The following HELZ variants were observed in gnomAD, a reference collection of about 807,000 sequenced individuals.
HELZ encodes the protein ATP-dependent RNA helicase with zinc finger domain.
A neutral mutation model predicts 218.2 loss-of-function variants in HELZ; 23 were observed. The observed-to-expected ratio is 0.11, with a 90% CI of 0.08 to 0.15. The LOEUF (loss-of-function observed/expected upper bound fraction) is 0.15. Ranked by LOEUF, HELZ falls within the 10% of genes least tolerant of loss-of-function variation. The probability of loss-of-function intolerance (pLI) is 1.00; values close to 1 mark genes in which losing one functional copy is unlikely to be tolerated. For missense variants in HELZ, 1,813 were observed against 2,353.7 expected (o/e 0.77, Z 4.75); for synonymous variants, 814 against 829.4 (o/e 0.98, Z 0.32).
chr17:67,210,585 G>A (rs958253892), intron 5 of HELZ, among the ~76,000 whole-genome samples: 8 of 152,072 alleles, frequency 5.3e-5, no homozygotes, highest in Non-Finnish European at 8.8e-5. Flanking sequence ...ATAAGATTAC[G>A]TTCTTTTGAT....
At position 67,235,981 on chromosome 17, in the gene HELZ, C is replaced by T. The variant is rs564130152; in HGVS notation, c.-19+3452G>A. Among the ~76,000 whole-genome samples the T allele has an allele frequency of 1.2e-4, 18 of 151,996 alleles. No individual in the cohort carries two copies. In the South Asian group the frequency reaches 1.9e-3, roughly 16 times the overall value. On this transcript the variant is annotated intron_variant, in intron 3 of 32. Coordinates refer to ENST00000358691, the MANE Select transcript of HELZ (RefSeq NM_014877.4). The stretch of plus-strand genomic sequence containing the variant: ...TTCATCGTGTTAGCCAGGATGGTCT[C>T]GATCTCCTGACCTCCTGATCCGCCC...
At chr17:67,124,706 G>A (rs1404052414) in intron 24 of HELZ, among the ~76,000 whole-genome samples, 1 of 152,038 alleles carries the variant, frequency 6.6e-6, no homozygotes, top group Non-Finnish European at 1.5e-5. Flanking sequence ...CAGAGAGCAT[G>A]GTTTATGTGT....
intron 5 of HELZ, among the ~76,000 whole-genome samples, chr17:67,212,773 C>A (rs999353192): frequency 2.6e-5 from 4 of 152,102 alleles, no homozygotes; most frequent in African/African-American, 9.7e-5. Flanking sequence ...TTCTCTTTTA[C>A]ACACAGCACT....
chr17:67,088,577 G>A (rs946430519), intron 31 of HELZ, among the ~76,000 whole-genome samples: 4 of 152,206 alleles, frequency 2.6e-5, no homozygotes, highest in South Asian at 4.1e-4. Flanking sequence ...CAGGAAAGCC[G>A]TGACGAGAGC....
intron 3 of HELZ, among the ~76,000 whole-genome samples, chr17:67,221,996 A>C (rs1175082330): frequency 6.6e-6 from 1 of 151,624 alleles, no homozygotes; most frequent in Non-Finnish European, 1.5e-5. Context: ...TGCCACCACA[A>C]CCGGCTAATT....
chr17:67,099,248 G>C (rs1598212445), intron 31 of HELZ, among the ~76,000 whole-genome samples: 1 of 152,136 alleles, frequency 6.6e-6, no homozygotes, highest in African/African-American at 2.4e-5. Context: ...TACATCTTCA[G>C]CCAATCAGAT....
intron 12 of HELZ, among the ~76,000 whole-genome samples, chr17:67,181,042 A>T (rs2039597181): frequency 6.6e-6 from 1 of 151,992 alleles, no homozygotes; most frequent in Non-Finnish European, 1.5e-5. Flanking sequence ...ACAGAGCCAG[A>T]CTCTGTCTCA....
rs1219514081 is a variant in HELZ, at chr17:67,161,009, T to A, written c.1963A>T (p.Thr655Ser). The A allele has an allele frequency of 3.1e-6, 5 of 1,613,690 alleles. No homozygotes were observed. Among genetic ancestry groups the A allele is most frequent in the Non-Finnish European group, 4.2e-6 (5 of 1,179,810 alleles). The change falls in exon 16 of 33, where the codon ACT becomes TCT. Residue 655 changes from threonine to serine, a missense_variant. Physicochemically the swap from Thr to Ser is moderately conservative, Grantham distance 58. This residue lies in a region of HELZ where 714 missense variants were observed against 1,029.2 expected (regional missense o/e 0.69). Coordinates refer to ENST00000358691, the MANE Select transcript of HELZ (RefSeq NM_014877.4). The stretch of plus-strand genomic sequence containing the variant: ...GGCGGCAGCTGGATTGCAAGTGGAG[T>A]GGTAATGGCCAGAACAGCCTCTTTC... ...KQKEAVLAIT[T>S]PLAIQLPPVL...
chr17:67,245,666 C>T (rs115921518), upstream of HELZ: 1,148 of 257,604 alleles, frequency 4.5e-3, 13 homozygotes, highest in African/African-American at 0.025. Context: ...AGACCAGCTC[C>T]GCACCCGCCG....
At chr17:67,193,875 A>G in intron 9 of HELZ, 92 bp downstream of exon 9, 1 of 917,366 alleles carries the variant, frequency 1.1e-6, no homozygotes, top group Non-Finnish European at 1.7e-6. Flanking sequence ...TTTCAAATTG[A>G]AAATAAACCA....
intron 13 of HELZ, among the ~76,000 whole-genome samples, chr17:67,168,022 G>A (rs577190827): frequency 8.6e-5 from 13 of 151,556 alleles, no homozygotes; most frequent in Non-Finnish European, 1.0e-4. Context: ...TCACTCTGTC[G>A]CCTAGGCTGG....
chr17:67,155,141 C>T (rs2038801445), intron 17 of HELZ, among the ~76,000 whole-genome samples: 3 of 152,044 alleles, frequency 2.0e-5, no homozygotes, highest in African/African-American at 7.3e-5. Context: ...AGTGTGTGTA[C>T]AAAAGGATGT....
rs2038616118 is a variant in HELZ at position 67,149,738 on chromosome 17, A to G, written c.2475+129T>C. 6 of 521,048 alleles carry G rather than the reference A, an allele frequency of 1.2e-5. No individual in the cohort carries two copies. In the South Asian group the frequency reaches 2.0e-4, roughly 17 times the overall value. 32.3% of individuals were successfully genotyped at this position (521,048 alleles called of 1,614,324 possible). On this transcript the variant is annotated intron_variant, in intron 19 of 32. Transcript: ENST00000358691. ...AATAACAGTATTTTTCACTATTAGT[A>G]CAGAACTATTTGAAGTACTAAAGTT...
At chr17:67,097,353 AT>A (rs2036780441) in intron 31 of HELZ, among the ~76,000 whole-genome samples, 1 of 152,220 alleles carries the variant, frequency 6.6e-6, no homozygotes, top group African/African-American at 2.4e-5. Flanking sequence ...TAAACCTTCA[AT>A]TTGTAAAAAC....
rs2036413614 is a variant in HELZ at position 67,086,979 on chromosome 17, C to G, written c.5344G>C (p.Ala1782Pro). Residue 1782 changes from alanine to proline, a missense_variant, in exon 32 of 33, where the codon GCT becomes CCT. Ala to Pro is a conservative substitution (Grantham distance 27). Around this residue, in one of 4 missense-constraint regions of HELZ, gnomAD observed 938 missense variants for 1,027.5 expected, o/e 0.91. Transcript: ENST00000358691. ...TGGTCCTGAAGCTCTTTACACTGAG[C>G]CAGACTGTCTTGAGGAGTGCTTACT... is the stretch of plus-strand genomic sequence containing the variant. ...EEVSTPQDSL[A>P]QCKELQDHSN... is the part of the protein sequence containing the mutation. 13 of 1,613,926 alleles carry G rather than the reference C, an allele frequency of 8.1e-6. No homozygotes were observed. The highest frequency in any genetic ancestry group is 1.1e-5 in the Non-Finnish European group (13 of 1,179,990).
At chr17:67,184,067 A>T (rs1246008699) in intron 12 of HELZ, among the ~76,000 whole-genome samples, 3 of 152,178 alleles carry the variant, frequency 2.0e-5, no homozygotes, top group African/African-American at 7.2e-5. Context: ...ATTTGAATTA[A>T]CTAAAGTAGG....
At chr17:67,129,539 TAAGA>T (rs2037912347) in intron 23 of HELZ, among the ~76,000 whole-genome samples, 1 of 152,108 alleles carries the variant, frequency 6.6e-6, no homozygotes, top group Non-Finnish European at 1.5e-5. Context: ...TGAGGATTCT[TAAGA>T]AATAACCAGC....
At chr17:67,174,825 T>C (rs527595334) in intron 13 of HELZ, among the ~76,000 whole-genome samples, 2 of 152,146 alleles carry the variant, frequency 1.3e-5, no homozygotes, top group Admixed American at 1.3e-4. Context: ...AAAAGAAATA[T>C]TCTGCTTAAA....
chr17:67,157,647 C>T (rs1422649559), intron 17 of HELZ, among the ~76,000 whole-genome samples: 1 of 151,970 alleles, frequency 6.6e-6, no homozygotes, highest in Admixed American at 6.6e-5. Context: ...AGAAAGAAAC[C>T]AATCCACATA....
Sources: gnomAD v4.1 joint callset for allele counts (sites outside exome capture counted in the v4.1 genomes callset) on GRCh38, gnomAD v4.1.1 for gene constraint, gnomAD v4.1.1 regional missense constraint, MANE v1.5 for transcripts, NCBI Gene and HGNC (gene_info 2026-07-23, HGNC 2026-07-21) for gene names.